The following ARSL variants were observed in gnomAD, a reference collection of about 807,000 sequenced individuals.
The protein encoded by ARSL is arylsulfatase L.
A neutral mutation model predicts 31.1 loss-of-function variants in ARSL; 4 were observed. That is an observed-to-expected ratio of 0.13 (90% CI 0.06 to 0.29). The LOEUF is 0.29. Among genes scored for constraint, ARSL ranks in the 10% least tolerant of loss-of-function variants. ARSL has a pLI of 1.00. For synonymous variants in ARSL, 198 were observed against 209.9 expected (o/e 0.94, Z 0.49); for missense variants, 312 against 497.8 (o/e 0.63, Z 3.55).
intron 2 of ARSL, chrX:2,959,941 GAGAAAGAAAGAAAGAA>G (rs35961426): frequency 1.9e-4 from 41 of 216,310 alleles, no homozygotes; most frequent in Middle Eastern, 2.9e-3. Context: ...GAAAGAGAGA[GAGAAAGAAAGAAAGAA>G]AGAAAGAAAG....
At chrX:2,949,038 T>C (rs770107581) in intron 6 of ARSL, among the ~76,000 whole-genome samples, 3 of 111,010 alleles carry the variant, frequency 2.7e-5, no homozygotes, top group Non-Finnish European at 5.7e-5. Context: ...TTCTCCCACC[T>C]CAGCCTCCCG....
intron 8 of ARSL, among the ~76,000 whole-genome samples, chrX:2,941,853 T>C (rs908212386): frequency 1.8e-5 from 2 of 112,546 alleles, no homozygotes; most frequent in African/African-American, 6.5e-5. Context: ...TGGCTCAGAA[T>C]AAACCTCTTC....
chrX:2,935,349 C>T (rs2089182432), intron 10 of ARSL, among the ~76,000 whole-genome samples, 159 bp from the exon 11 acceptor site: 1 of 112,165 alleles, frequency 8.9e-6, no homozygotes, highest in East Asian at 2.8e-4. Context: ...GCATACTCTG[C>T]AGCTATGAGA....
At chrX:2,960,270 A>G in intron 2 of ARSL, 108 bp downstream of exon 2, 1 of 152,925 alleles carries the variant, frequency 6.5e-6, no homozygotes, top group Non-Finnish European at 1.0e-5. Flanking sequence ...CTCCGTCTCA[A>G]AAAAAAAAAA....
chrX:2,955,621 G>A, intron 3 of ARSL, 84 bp from the exon 4 acceptor site: 5 of 1,079,297 alleles, frequency 4.6e-6, no homozygotes, highest in Non-Finnish European at 5.1e-6. Flanking sequence ...TTCATAGAAG[G>A]TCTGCTGGTC....
In ARSL at chrX:2,958,453, A is replaced by G; in HGVS notation, c.24-18T>C. On this transcript the variant is annotated intron_variant, in intron 2 of 10. Transcript: ENST00000381134. ...AACACAAACTGTCAGAGACTGCGTC[A>G]TGCTCCTGTCCATCTCATTTGCAGA... is the stretch of plus-strand genomic sequence containing the variant. 2 of 1,211,418 alleles carry G rather than the reference A, an allele frequency of 1.7e-6. No individual in the cohort carries two copies. The highest frequency in any genetic ancestry group is 2.2e-6 in the Non-Finnish European group (2 of 895,235).
intron 3 of ARSL, among the ~76,000 whole-genome samples, chrX:2,957,658 G>A (rs904065506): frequency 9.7e-6 from 1 of 103,097 alleles, no homozygotes; most frequent in African/African-American, 3.6e-5. Context: ...GCAGTGAGCC[G>A]AGATCGCACC....
At chrX:2,955,750 C>T (rs2089515966) in intron 3 of ARSL, among the ~76,000 whole-genome samples, 1 of 112,135 alleles carries the variant, frequency 8.9e-6, no homozygotes, top group Non-Finnish European at 1.9e-5. Context: ...AGTGGCTGGA[C>T]GCGGTGGCTC....
At chrX:2,956,951 G>C (rs1019615842) in intron 3 of ARSL, among the ~76,000 whole-genome samples, 1 of 107,577 alleles carries the variant, frequency 9.3e-6, no homozygotes, top group Non-Finnish European at 1.9e-5. Flanking sequence ...GCCAGGCGTG[G>C]TGGCTCACGC....
At chrX:2,935,687 CTTTTCT>C (rs1454188502) in intron 10 of ARSL, among the ~76,000 whole-genome samples, 13 of 39,762 alleles carry the variant, frequency 3.3e-4, no homozygotes, top group African/African-American at 6.3e-4. Flanking sequence ...CTTTTCTTTT[CTTTTCT>C]TTTTTTTTTT....
At chrX:2,940,984 G>T (rs2089272609) in intron 8 of ARSL, among the ~76,000 whole-genome samples, 1 of 111,114 alleles carries the variant, frequency 9.0e-6, no homozygotes, top group African/African-American at 3.3e-5. Context: ...TGAAAATAGT[G>T]ATTGTAAAAC....
At chrX:2,966,214 C>T (rs993646708), upstream of ARSL, among the ~76,000 whole-genome samples, 19 of 111,421 alleles carry the variant, frequency 1.7e-4, no homozygotes, top group African/African-American at 5.5e-4. Flanking sequence ...CAGCCTGACT[C>T]ATTTTTACAA....
At chrX:2,959,295 A>G (rs1390278232) in intron 2 of ARSL, among the ~76,000 whole-genome samples, 2 of 111,859 alleles carry the variant, frequency 1.8e-5, no homozygotes, top group African/African-American at 3.3e-5. Flanking sequence ...TCTTTAGCCC[A>G]CTGGTATCTG....
chrX:2,941,417 G>T (rs2089281140), intron 8 of ARSL, among the ~76,000 whole-genome samples: 1 of 110,220 alleles, frequency 9.1e-6, no homozygotes, highest in African/African-American at 3.3e-5. Context: ...ACCACACCCA[G>T]CTAATTTTTG....
chrX:2,944,636 C>T (rs1009867205), intron 7 of ARSL, among the ~76,000 whole-genome samples: 1 of 108,750 alleles, frequency 9.2e-6, no homozygotes, highest in Admixed American at 1.0e-4. Context: ...TCCTGGGATT[C>T]GCAGCCCACC....
At chrX:2,963,011 T>C (rs1414905954) in intron 1 of ARSL, among the ~76,000 whole-genome samples, 2 of 112,167 alleles carry the variant, frequency 1.8e-5, no homozygotes, top group African/African-American at 6.5e-5. Flanking sequence ...TCTTACATTA[T>C]TGATGGATGT....
Position 2,960,409 on chromosome X carries a change from T to C in ARSL, c.-9A>G. The stretch of plus-strand genomic sequence containing the variant: ...TGGTGCAGATGTAACATGTTGTCTC[T>C]CTCTCTACTTCCTGTAAGACATAAA... On this transcript the variant is annotated 5_prime_UTR_variant, in exon 2 of 11. Transcript: ENST00000381134. 8.3e-7 allele frequency: 1 copy of C among 1,200,981 alleles called. No individual in the cohort carries two copies. The highest frequency in any genetic ancestry group is 1.8e-5 in the African/African-American group (1 of 54,493).
Position 2,949,297 on chromosome X carries a change from T to A in ARSL, c.854+7A>T, listed in dbSNP as rs1256800619. 1 of 1,209,434 alleles carries A rather than the reference T, an allele frequency of 8.3e-7. No homozygotes were observed. Among genetic ancestry groups the A allele is most frequent in the African/African-American group, 1.8e-5 (1 of 56,972 alleles). On this transcript the variant is annotated splice_region_variant and intron_variant, in intron 6 of 10. Coordinates refer to ENST00000381134, the MANE Select transcript of ARSL (RefSeq NM_000047.3). ...TGCTTGGAGGAAGCTGACCCTTTTC[T>A]GCTGACCTTTTGAGAAAGGACGCAA...
chrX:2,943,383 A>G (rs937303554), intron 7 of ARSL, among the ~76,000 whole-genome samples, 184 bp from the exon 8 acceptor site: 1 of 111,353 alleles, frequency 9.0e-6, no homozygotes, highest in African/African-American at 3.3e-5. Context: ...ATGACTTTAT[A>G]TGCACCCCAT....
Sources: allele counts gnomAD v4.1 joint callset (sites outside exome capture counted in the v4.1 genomes callset), GRCh38; gene constraint gnomAD v4.1.1; transcripts MANE v1.5; gene names NCBI Gene and HGNC (gene_info 2026-07-23, HGNC 2026-07-21).